The following C4orf50 variants were observed in gnomAD, a reference collection of about 807,000 sequenced individuals.
The protein encoded by C4orf50 is uncharacterized protein C4orf50.
In C4orf50, 80 loss-of-function variants were observed where a neutral mutation model predicts 77.2. That is an observed-to-expected ratio of 1.04 (90% confidence interval 0.87 to 1.25). C4orf50 has a LOEUF of 1.25. Among genes scored for constraint, C4orf50 ranks in the 50% most tolerant of loss-of-function variants. C4orf50 has a pLI of 0.00. For missense variants in C4orf50, 1,257 were observed against 1,152.9 expected (o/e 1.09, Z -1.31); for synonymous variants, 532 against 465.3 (o/e 1.14, Z -1.84).
At chr4:5,974,531 CG>C (rs1018196843) in intron 30 of C4orf50, among the ~76,000 whole-genome samples, 1 of 152,150 alleles carries the variant, frequency 6.6e-6, no homozygotes, top group African/African-American at 2.4e-5. Context: ...TCTGATTTGA[CG>C]GCTGACGACA....
chr4:5,982,560 C>T (rs1720649848), intron 28 of C4orf50, among the ~76,000 whole-genome samples: 1 of 152,170 alleles, frequency 6.6e-6, no homozygotes, highest in Non-Finnish European at 1.5e-5. Context: ...TGAACAGAGA[C>T]ATCATCCAGT....
At chr4:5,994,829 C>A (rs1301035835) in intron 25 of C4orf50, among the ~76,000 whole-genome samples, 1 of 152,176 alleles carries the variant, frequency 6.6e-6, no homozygotes, top group Non-Finnish European at 1.5e-5. Flanking sequence ...GGACCTGGGC[C>A]GTACAGCAGG....
intron 33 of C4orf50, among the ~76,000 whole-genome samples, chr4:5,961,350 T>G (rs1420586749): frequency 6.6e-6 from 1 of 152,232 alleles, no homozygotes; most frequent in African/African-American, 2.4e-5. Context: ...ATAAGGATAG[T>G]TTAAGCCATA....
At chr4:5,941,839 G>A (rs1231429626) in intron 7 of C4orf50, among the ~76,000 whole-genome samples, 6 of 152,106 alleles carry the variant, frequency 3.9e-5, no homozygotes, top group Non-Finnish European at 7.4e-5. Flanking sequence ...AATTTACAAT[G>A]GGACTCCTCC....
chr4:5,926,214 C>T (rs892136771), intron 7 of C4orf50, among the ~76,000 whole-genome samples: 2 of 152,178 alleles, frequency 1.3e-5, no homozygotes, highest in Non-Finnish European at 2.9e-5. Context: ...GAATGGATAA[C>T]CTAAATATGG....
rs1717553038 is a variant in C4orf50 at position 5,927,170 on chromosome 4, T to G, written c.*2475-28982A>C. Reference sequence around the variant, plus strand: ...AGTCTCCCCTGGAGCCAGCTGTGCCTGGAGGCCAAAGGACAGGCCATGGAA... The same window carrying G: ...AGTCTCCCCTGGAGCCAGCTGTGCCGGGAGGCCAAAGGACAGGCCATGGAA... On this transcript the variant is annotated intron_variant, in intron 7 of 7. Transcript: ENST00000324058. Among the ~76,000 whole-genome samples, 5 of 152,238 alleles carry G rather than the reference T, an allele frequency of 3.3e-5. No individual in the cohort carries two copies. In the South Asian group the frequency reaches 1.0e-3, roughly 32 times the overall value.
At chr4:5,906,659 G>T (rs773617523) in intron 7 of C4orf50, among the ~76,000 whole-genome samples, 1 of 152,184 alleles carries the variant, frequency 6.6e-6, no homozygotes, top group Non-Finnish European at 1.5e-5. Flanking sequence ...AATGCTAAGG[G>T]TCTCAGAACT....
chr4:5,911,131 G>A (rs908434410), intron 7 of C4orf50, among the ~76,000 whole-genome samples: 1 of 151,976 alleles, frequency 6.6e-6, no homozygotes, highest in East Asian at 1.9e-4. Flanking sequence ...GGATGGTCTC[G>A]ATCTCCTGAC....
chr4:5,988,297 C>G (rs192988211), intron 28 of C4orf50, 50 bp downstream of exon 6: 2 of 1,580,514 alleles, frequency 1.3e-6, no homozygotes, highest in Non-Finnish European at 1.7e-6. Flanking sequence ...GGGTGGCCCC[C>G]GGAACAGAGT....
At chr4:5,933,791 C>T (rs781642317) in intron 7 of C4orf50, among the ~76,000 whole-genome samples, 2 of 152,128 alleles carry the variant, frequency 1.3e-5, no homozygotes, top group African/African-American at 2.4e-5. Context: ...CCTGCACTGA[C>T]GCACCCCTGG....
At chr4:5,969,547 T>A (rs1719781245) in intron 31 of C4orf50, among the ~76,000 whole-genome samples, 1 of 151,920 alleles carries the variant, frequency 6.6e-6, no homozygotes, top group African/African-American at 2.4e-5. Context: ...GACTCTCCCC[T>A]GCTAGTATGC....
chr4:5,914,777 C>A (rs1716962845), intron 7 of C4orf50, among the ~76,000 whole-genome samples: 1 of 152,120 alleles, frequency 6.6e-6, no homozygotes, highest in South Asian at 2.1e-4. Flanking sequence ...GACATAATAA[C>A]CTTGAGCTTG....
chr4:6,004,054 A>T (rs1722032666), intron 25 of C4orf50, among the ~76,000 whole-genome samples: 1 of 108,392 alleles, frequency 9.2e-6, no homozygotes, highest in Non-Finnish European at 1.9e-5. Flanking sequence ...GATGGTGATG[A>T]TGGTGATGAT....
chr4:5,980,431 GTTTTT>G, intron 28 of C4orf50, 93 bp from the exon 7 acceptor site: 1 of 941,096 alleles, frequency 1.1e-6, no homozygotes, highest in Non-Finnish European at 1.5e-6. Flanking sequence ...CCACTCCGTA[GTTTTT>G]TTTTTTGTTG....
intron 7 of C4orf50, among the ~76,000 whole-genome samples, chr4:5,937,201 T>C (rs1718064404): frequency 1.3e-5 from 2 of 151,996 alleles, no homozygotes; most frequent in Admixed American, 6.5e-5. Context: ...TAAAAAAGTA[T>C]TAACTATATA....
intron 28 of C4orf50, among the ~76,000 whole-genome samples, chr4:5,986,021 AATAAC>A (rs1340538415): frequency 6.6e-6 from 1 of 152,192 alleles, no homozygotes; most frequent in Non-Finnish European, 1.5e-5. Context: ...ATAGATTTTA[AATAAC>A]ATAACTAAAA....
rs1337375760 is a variant in C4orf50, at chr4:6,009,250, G to T, written c.427-718C>A. 6.6e-6 allele frequency among the ~76,000 whole-genome samples: 1 copy of T among 152,126 alleles called. No homozygotes were observed. The highest frequency in any genetic ancestry group is 1.5e-5 in the Non-Finnish European group (1 of 68,026). ...ACCCACGGGCCGTGAGCTGGACTGG[G>T]GTGCACAACCCACTGCGAAAATTAG... On this transcript the variant is annotated intron_variant, in intron 24 of 33. Coordinates refer to ENST00000531445, the Ensembl canonical transcript of C4orf50. The surrounding 1 kb of genome is among the most constrained non-coding windows in gnomAD (Gnocchi z 5.6).
intron 7 of C4orf50, among the ~76,000 whole-genome samples, chr4:5,907,125 G>A (rs1047998995): frequency 2.6e-5 from 4 of 152,170 alleles, no homozygotes; most frequent in African/African-American, 7.2e-5. Context: ...GCTCCACTAC[G>A]AGGACAAAGC....
intron 28 of C4orf50, 53 bp downstream of exon 6, chr4:5,988,294 C>G: frequency 6.3e-7 from 1 of 1,577,958 alleles, no homozygotes; most frequent in Non-Finnish European, 8.6e-7. Flanking sequence ...ATGGGGTGGC[C>G]CCCGGAACAG....
Sources: gnomAD v4.1 joint callset for allele counts (sites outside exome capture counted in the v4.1 genomes callset) on GRCh38, gnomAD v4.1.1 for gene constraint, Gnocchi (gnomAD v3.1) non-coding constraint, MANE v1.5 for transcripts, NCBI Gene and HGNC (gene_info 2026-07-23, HGNC 2026-07-21) for gene names.